The following GRIK2 variants were observed in gnomAD, a reference collection of about 807,000 sequenced individuals.
The protein encoded by GRIK2 is glutamate receptor ionotropic, kainate 2.
GRIK2 carries 32 observed loss-of-function variants against 100.3 expected under a neutral mutation model. The ratio of observed to expected loss-of-function variants is 0.32; its 90% CI spans 0.24 to 0.43. The LOEUF (loss-of-function observed/expected upper bound fraction) is 0.43. Among genes scored for constraint, GRIK2 ranks in the 20% least tolerant of loss-of-function variants. The probability of loss-of-function intolerance (pLI) is 1.00; values close to 1 mark genes in which losing one functional copy is unlikely to be tolerated. For synonymous variants in GRIK2, 417 were observed against 389.4 expected, an observed-to-expected ratio of 1.07 and a Z score of -0.83; for missense variants, 843 against 1,114.9, an observed-to-expected ratio of 0.76 and a Z score of 3.47.
At chr6:101,883,487 C>T (rs1562462623) in intron 11 of GRIK2, among the ~76,000 whole-genome samples, 1 of 151,978 alleles carries the variant, frequency 6.6e-6, no homozygotes, top group African/African-American at 2.4e-5. Flanking sequence ...AAGGAACTTA[C>T]ATTCTAATAG....
intron 4 of GRIK2, among the ~76,000 whole-genome samples, chr6:101,636,652 C>G (rs990728648): frequency 2.6e-5 from 4 of 151,724 alleles, no homozygotes; most frequent in African/African-American, 9.7e-5. Flanking sequence ...CTGTAGCAAT[C>G]ACACAATTCA....
chr6:101,869,293 C>A (rs1463241808), intron 11 of GRIK2, among the ~76,000 whole-genome samples: 1 of 151,862 alleles, frequency 6.6e-6, no homozygotes, highest in African/African-American at 2.4e-5. Flanking sequence ...CACATCTTTT[C>A]TCCTAAGAAG....
At chr6:101,555,326 G>A (rs367996266) in intron 2 of GRIK2, among the ~76,000 whole-genome samples, 3 of 152,146 alleles carry the variant, frequency 2.0e-5, no homozygotes, top group East Asian at 1.9e-4. Context: ...TGTAATTATA[G>A]GGTCGTTGGG....
chr6:101,471,182 C>T (rs1434096639), intron 2 of GRIK2, among the ~76,000 whole-genome samples: 1 of 152,010 alleles, frequency 6.6e-6, no homozygotes, highest in East Asian at 1.9e-4. Flanking sequence ...TCAGTGACTG[C>T]ACTAATAGGT....
At chr6:101,889,605 CTTT>C (rs2243354) in intron 11 of GRIK2, 32 bp from the exon 12 acceptor site, 756 of 708,592 alleles carry the variant, frequency 1.1e-3, no homozygotes, top group South Asian at 1.7e-3. Context: ...TTCTTTCTTT[CTTT>C]TTTTTTTTTT....
At chr6:102,051,535 C>A (rs1771195461) in intron 15 of GRIK2, among the ~76,000 whole-genome samples, 1 of 151,884 alleles carries the variant, frequency 6.6e-6, no homozygotes, top group South Asian at 2.1e-4. Flanking sequence ...TTGGGTTTAT[C>A]CTGAATTTTT....
At chr6:101,735,518 G>A (rs531856869) in intron 7 of GRIK2, among the ~76,000 whole-genome samples, 6 of 152,166 alleles carry the variant, frequency 3.9e-5, no homozygotes, top group Non-Finnish European at 8.8e-5. Flanking sequence ...GGAGGAGCAA[G>A]TCACATCTTA....
At position 101,905,417 on chromosome 6, in the gene GRIK2, C is replaced by T. The variant is rs373612047; in HGVS notation, c.1748+15554C>T. Among the ~76,000 whole-genome samples the T allele has an allele frequency of 1.3e-4, 19 of 151,644 alleles. No homozygotes were observed. In the South Asian group the frequency reaches 2.9e-3, roughly 23 times the overall value. ...TTAGCTTACTCCAAATAAAATATGT[C>T]GTTAGACAAAAGCTTCATAAATAGC... On this transcript the variant is annotated intron_variant, in intron 12 of 16. Transcript: ENST00000369134.
At chr6:102,031,127 A>ACC (rs398048704) in intron 14 of GRIK2, among the ~76,000 whole-genome samples, 21 of 57,686 alleles carry the variant, frequency 3.6e-4, no homozygotes, top group Non-Finnish European at 2.7e-4. Context: ...ACACACACAC[A>ACC]CCCCCTTTGA....
intron 2 of GRIK2, among the ~76,000 whole-genome samples, chr6:101,490,227 TA>T (rs2128266526): frequency 6.8e-6 from 1 of 147,268 alleles, no homozygotes; most frequent in South Asian, 2.1e-4. Context: ...TGTGCTATGC[TA>T]AACAGCTTTC....
chr6:101,847,732 C>T (rs1038063339), intron 10 of GRIK2, among the ~76,000 whole-genome samples: 5 of 152,052 alleles, frequency 3.3e-5, no homozygotes, highest in Non-Finnish European at 7.4e-5. Context: ...GGCTTAGGGT[C>T]TTGTCAGGTC....
At chr6:101,910,563 T>C (rs1331740159) in intron 12 of GRIK2, among the ~76,000 whole-genome samples, 9 of 151,434 alleles carry the variant, frequency 5.9e-5, no homozygotes, top group Admixed American at 4.6e-4. Flanking sequence ...GGTAAATACA[T>C]AGTACTTATT....
chr6:101,639,081 C>G (rs902015748), intron 4 of GRIK2, among the ~76,000 whole-genome samples: 3 of 152,048 alleles, frequency 2.0e-5, no homozygotes, highest in African/African-American at 7.2e-5. Context: ...CGCTCTGTCG[C>G]CAGGCTGGAA....
chr6:101,823,512 G>A (rs777033452), intron 10 of GRIK2, among the ~76,000 whole-genome samples: 40 of 151,710 alleles, frequency 2.6e-4, no homozygotes, highest in African/African-American at 8.5e-4. Context: ...TTTCAAGTTC[G>A]GTTGTTGTTA....
intron 7 of GRIK2, among the ~76,000 whole-genome samples, chr6:101,762,249 A>G (rs908456719): frequency 3.3e-5 from 5 of 151,572 alleles, no homozygotes; most frequent in African/African-American, 1.2e-4. Flanking sequence ...ATCATAACTC[A>G]TTGCAGCCTC....
chr6:101,753,282 C>CAAAAAAAAA (rs774187168), intron 7 of GRIK2, among the ~76,000 whole-genome samples: 2 of 70,890 alleles, frequency 2.8e-5, no homozygotes, highest in African/African-American at 7.4e-5. Context: ...GACTCCGTCT[C>CAAAAAAAAA]AAAAAAAAAA....
intron 12 of GRIK2, among the ~76,000 whole-genome samples, chr6:101,921,433 T>G (rs1789485781): frequency 6.6e-6 from 1 of 152,042 alleles, no homozygotes; most frequent in Admixed American, 6.6e-5. Flanking sequence ...AAAATATTAA[T>G]TTGGAGGCCA....
chr6:101,878,137 A>G (rs2128452049), intron 11 of GRIK2, among the ~76,000 whole-genome samples: 1 of 147,834 alleles, frequency 6.8e-6, no homozygotes, highest in East Asian at 2.0e-4. Flanking sequence ...ATATTAATGT[A>G]CTGAATAAAT....
intron 14 of GRIK2, among the ~76,000 whole-genome samples, chr6:101,980,846 A>G (rs1793672040): frequency 6.6e-6 from 1 of 151,238 alleles, no homozygotes; most frequent in South Asian, 2.1e-4. Flanking sequence ...TCTTAAAAGT[A>G]TAAGCACTGA....
Sources: allele counts gnomAD v4.1 joint callset (sites outside exome capture counted in the v4.1 genomes callset), GRCh38; gene constraint gnomAD v4.1.1; transcripts MANE v1.5; gene names NCBI Gene and HGNC (gene_info 2026-07-23, HGNC 2026-07-21).